KAZN: variants seen among roughly 807,000 people sequenced by gnomAD.
The protein encoded by KAZN is kazrin.
Under a neutral mutation model 87.4 loss-of-function variants are expected in KAZN, and 40 were observed. The ratio of observed to expected loss-of-function variants is 0.46; its 90% confidence interval spans 0.36 to 0.60. KAZN has a LOEUF of 0.60. Among genes scored for constraint, KAZN ranks in the 20% least tolerant of loss-of-function variants. The pLI, the probability that KAZN is intolerant of heterozygous loss-of-function variation, is 0.00. For missense variants in KAZN, 898 were observed against 1,073.9 expected (o/e 0.84, Z 2.29); for synonymous variants, 466 against 458.3 (o/e 1.02, Z -0.22).
At position 14,825,462 on chromosome 1, in the gene KAZN, A is replaced by G. The variant is rs1273725638; in HGVS notation, c.227-135222A>G. On this transcript the variant is annotated intron_variant, in intron 1 of 14. Coordinates refer to ENST00000376030, the MANE Select transcript of KAZN (RefSeq NM_201628.3). ...TGCTTGCCGCGGGCCTGAAAAAACC[A>G]TAACGATGTTGTATGTAAAAGAGCT... Among the ~76,000 whole-genome samples, 5 of 152,244 alleles carry G rather than the reference A, an allele frequency of 3.3e-5. No individual in the cohort carries two copies. In the East Asian group the frequency reaches 9.6e-4, roughly 29 times the overall value.
chr1:14,963,338 A>G (rs190903906), intron 2 of KAZN, among the ~76,000 whole-genome samples: 1 of 152,160 alleles, frequency 6.6e-6, no homozygotes, highest in African/African-American at 2.4e-5. Context: ...TAGAAACCCC[A>G]TTTCTCAGGT....
At chr1:13,979,848 G>A (rs959055327) in intron 1 of KAZN, among the ~76,000 whole-genome samples, 4 of 150,792 alleles carry the variant, frequency 2.7e-5, no homozygotes, top group Admixed American at 1.3e-4. Context: ...GGAGAATGGC[G>A]TGAACCCTGG....
intron 1 of KAZN, among the ~76,000 whole-genome samples, chr1:14,602,857 A>G (rs1273972820): frequency 1.3e-5 from 2 of 152,230 alleles, no homozygotes; most frequent in Non-Finnish European, 2.9e-5. Flanking sequence ...TTGTATTCCT[A>G]TGCAAGTGGA....
intron 1 of KAZN, among the ~76,000 whole-genome samples, chr1:14,107,782 G>T (rs967429910): frequency 6.6e-6 from 1 of 152,214 alleles, no homozygotes; most frequent in Non-Finnish European, 1.5e-5. Flanking sequence ...CCCAGGGAAA[G>T]TGTGCTTATT....
chr1:14,035,204 C>T (rs10754905), intron 1 of KAZN, among the ~76,000 whole-genome samples: 109,820 of 152,068 alleles, frequency 0.72, 39,776 homozygotes, highest in Admixed American at 0.83. Context: ...TACAATGTGA[C>T]GGGGAGATCC....
intron 2 of KAZN, among the ~76,000 whole-genome samples, chr1:14,221,344 C>T (rs1402209084): frequency 6.6e-6 from 1 of 151,944 alleles, no homozygotes; most frequent in African/African-American, 2.4e-5. Flanking sequence ...GGTCCCTGCC[C>T]CTGGAGTCTT....
At chr1:14,824,238 G>C (rs1646818893) in intron 1 of KAZN, among the ~76,000 whole-genome samples, 1 of 152,060 alleles carries the variant, frequency 6.6e-6, no homozygotes. Context: ...CTCTTCCTAG[G>C]AAGATGAGAA....
intron 2 of KAZN, among the ~76,000 whole-genome samples, chr1:14,966,924 C>T (rs1293364598): frequency 6.6e-6 from 1 of 152,224 alleles, no homozygotes; most frequent in Non-Finnish European, 1.5e-5. Context: ...CCGACTCAGC[C>T]TCCCAAAGTG....
intron 1 of KAZN, among the ~76,000 whole-genome samples, chr1:14,687,843 T>G (rs1371584862): frequency 2.0e-5 from 3 of 152,184 alleles, no homozygotes; most frequent in Non-Finnish European, 4.4e-5. Context: ...GTTTTAATTA[T>G]GCAAACCCAG....
intron 1 of KAZN, among the ~76,000 whole-genome samples, chr1:14,859,567 T>C (rs1182834152): frequency 6.6e-6 from 1 of 152,194 alleles, no homozygotes; most frequent in African/African-American, 2.4e-5. Flanking sequence ...CACTGCTTAA[T>C]TTAACCCTGA....
rs556036898 is a variant in KAZN, at chr1:14,273,914, T to C, written c.249+93322T>C. 3.8e-3 allele frequency among the ~76,000 whole-genome samples: 582 copies of C among 152,276 alleles called. 3 individuals are homozygous for C. The highest frequency in any genetic ancestry group is 5.9e-3 in the Non-Finnish European group (401 of 68,018). ...AAAGCGCTTGGGTGAAAGTAACAGATTCAAAATATGCAAATTACTGAAAAC... is the reference window on the plus strand; with the variant it reads ...AAAGCGCTTGGGTGAAAGTAACAGACTCAAAATATGCAAATTACTGAAAAC... On this transcript the variant is annotated intron_variant, in intron 2 of 16. Coordinates refer to the KAZN transcript ENST00000636203.
rs775455537 is a variant in KAZN at position 15,114,629 on chromosome 1, C to T, written c.2322C>T (p.Asn774=). 1.0e-5 allele frequency: 16 copies of T among 1,582,336 alleles called. No homozygotes were observed. Among genetic ancestry groups the T allele is most frequent in the South Asian group, 4.6e-5 (4 of 86,410 alleles). ...GCTACAACAGCCTGGAGGTCACCAA[C>T]GTGTAAGGAACTGGTGGCTCCACCA... is the stretch of plus-strand genomic sequence containing the variant. ...LEGYNSLEVT[N]V The change falls in exon 15 of 15, where the codon AAC becomes AAT. Residue 774 remains asparagine (N), a synonymous_variant. Coordinates refer to ENST00000376030, the MANE Select transcript of KAZN (RefSeq NM_201628.3).
At chr1:13,938,097 T>C (rs1640807111) in intron 1 of KAZN, among the ~76,000 whole-genome samples, 1 of 152,228 alleles carries the variant, frequency 6.6e-6, no homozygotes, top group Non-Finnish European at 1.5e-5. Flanking sequence ...AGAAATCGCA[T>C]TGAATCTGTA....
upstream of KAZN, among the ~76,000 whole-genome samples, chr1:14,598,178 T>A (rs1676628709): frequency 6.6e-6 from 1 of 152,052 alleles, no homozygotes; most frequent in Admixed American, 6.5e-5. This position sits in a 1 kb window ranked among gnomAD's most constrained non-coding sequence, Gnocchi z 4.2. Flanking sequence ...GCAGCGCAGG[T>A]CTGGCCTGCG....
At position 14,503,358 on chromosome 1, in the gene KAZN, C is replaced by A. The variant is rs544154601; in HGVS notation, c.250-95625C>A. 1.0e-3 allele frequency among the ~76,000 whole-genome samples: 152 copies of A among 151,184 alleles called. 1 individual carries two copies. The highest frequency in any genetic ancestry group is 3.6e-3 in the African/African-American group (146 of 41,104). Reference sequence around the variant, plus strand: ...AATTAGCCGGGCGTGGTGGCGGGTGCCTGTGGTCCCAGCTACTCGGGAGGC... The same window carrying A: ...AATTAGCCGGGCGTGGTGGCGGGTGACTGTGGTCCCAGCTACTCGGGAGGC... On this transcript the variant is annotated intron_variant, in intron 2 of 16. Transcript: ENST00000636203.
intron 2 of KAZN, among the ~76,000 whole-genome samples, chr1:14,440,176 A>G (rs952918978): frequency 2.2e-4 from 34 of 152,206 alleles, no homozygotes; most frequent in Non-Finnish European, 4.4e-5. Flanking sequence ...TTCAGCCACA[A>G]AGAAGGTACT....
At chr1:14,404,720 T>A (rs1044701173) in intron 2 of KAZN, among the ~76,000 whole-genome samples, 1 of 152,204 alleles carries the variant, frequency 6.6e-6, no homozygotes, top group Admixed American at 6.5e-5. Flanking sequence ...GTTAAGAGAA[T>A]GAAGTACTGA....
chr1:14,317,347 T>C (rs1655721857), intron 2 of KAZN, among the ~76,000 whole-genome samples: 1 of 151,990 alleles, frequency 6.6e-6, no homozygotes, highest in Non-Finnish European at 1.5e-5. Context: ...ACTGTAGCTT[T>C]CTTATGATTT....
chr1:14,801,130 C>T (rs1484874722), intron 1 of KAZN, among the ~76,000 whole-genome samples: 1 of 151,700 alleles, frequency 6.6e-6, no homozygotes, highest in Non-Finnish European at 1.5e-5. Flanking sequence ...TTCTAATCGT[C>T]GCGGCAAAGC....
Sources: allele counts gnomAD v4.1 joint callset (sites outside exome capture counted in the v4.1 genomes callset), GRCh38; gene constraint gnomAD v4.1.1; non-coding constraint Gnocchi (gnomAD v3.1); transcripts MANE v1.5; gene names NCBI Gene and HGNC (gene_info 2026-07-23, HGNC 2026-07-21).